Variants in CGRRF1 observed in about 807,000 individuals in gnomAD.
CGRRF1 encodes cell growth regulator with ring finger domain 1, also known as cell growth regulator with RING finger domain protein 1.
In CGRRF1, 32 loss-of-function variants were observed where a neutral mutation model predicts 37.2. That is an observed-to-expected ratio of 0.86 (90% CI 0.65 to 1.16). The LOEUF (loss-of-function observed/expected upper bound fraction) is 1.16. Ranked by LOEUF, CGRRF1 falls within the 50% of genes most tolerant of loss-of-function variation. The probability of loss-of-function intolerance (pLI) is 0.00; values close to 1 mark genes in which losing one functional copy is unlikely to be tolerated. For missense variants in CGRRF1, 391 were observed against 382.6 expected, an observed-to-expected ratio of 1.02 and a Z score of -0.18; for synonymous variants, 141 against 140.3, an observed-to-expected ratio of 1.00 and a Z score of -0.04.
chr14:54,537,971 C>T (rs890013905), intron 5 of CGRRF1, 92 bp from the exon 6 acceptor site: 2 of 1,466,642 alleles, frequency 1.4e-6, no homozygotes, highest in African/African-American at 2.9e-5. Flanking sequence ...AATTTGCTAG[C>T]TCATAAATTT....
At chr14:54,517,419 A>AT (rs1173434800) in intron 1 of CGRRF1, among the ~76,000 whole-genome samples, 2 of 152,248 alleles carry the variant, frequency 1.3e-5, no homozygotes, top group East Asian at 3.9e-4. Flanking sequence ...TCAAAAGTGA[A>AT]TTTTTATTTC....
intron 1 of CGRRF1, among the ~76,000 whole-genome samples, chr14:54,520,740 C>G (rs2140057970): frequency 6.6e-6 from 1 of 152,290 alleles, no homozygotes; most frequent in African/African-American, 2.4e-5. Flanking sequence ...TAAGTTGTTC[C>G]TTTTCACTGC....
At chr14:54,510,529 A>C (rs1164442823) in intron 1 of CGRRF1, among the ~76,000 whole-genome samples, 18 of 152,234 alleles carry the variant, frequency 1.2e-4, no homozygotes, top group Admixed American at 1.2e-3. Flanking sequence ...TTAGCCTCAG[A>C]TCTTTCAGAG....
intron 2 of CGRRF1, among the ~76,000 whole-genome samples, chr14:54,522,932 A>G (rs1179556931): frequency 6.6e-6 from 1 of 152,210 alleles, no homozygotes; most frequent in Non-Finnish European, 1.5e-5. Context: ...GTCTAAATAC[A>G]GTTAACGTAA....
At chr14:54,516,479 A>G (rs61987165) in intron 1 of CGRRF1, among the ~76,000 whole-genome samples, 9,152 of 152,092 alleles carry the variant, frequency 0.06, 504 homozygotes, top group East Asian at 0.3. Context: ...ATTGCTTCTT[A>G]TTAATATTAA....
intron 1 of CGRRF1, among the ~76,000 whole-genome samples, chr14:54,519,961 C>G (rs1261931356): frequency 6.6e-6 from 1 of 152,200 alleles, no homozygotes; most frequent in Non-Finnish European, 1.5e-5. Flanking sequence ...ATTGGTCTAT[C>G]TTATTTCACG....
intron 2 of CGRRF1, among the ~76,000 whole-genome samples, chr14:54,528,879 C>G (rs1457069579): frequency 2.0e-5 from 3 of 152,180 alleles, no homozygotes; most frequent in Non-Finnish European, 4.4e-5. Context: ...TGTGTACATA[C>G]TACTAAATAC....
chr14:54,526,265 T>A (rs2140061488), intron 2 of CGRRF1, among the ~76,000 whole-genome samples: 1 of 148,640 alleles, frequency 6.7e-6, no homozygotes, highest in East Asian at 2.1e-4. Flanking sequence ...TTCTCCTCCC[T>A]TAGCCTCCTG....
rs117986924 is a variant in CGRRF1 at position 54,520,595 on chromosome 14, T to C, written c.105-1859T>C. On this transcript the variant is annotated intron_variant, in intron 1 of 5. Transcript: ENST00000216420. ...TTCCGGAAGCAACCATTGTTCTCAT[T>C]TTTATTTCTACCATAAATTTGTTGT... 7.2e-4 allele frequency among the ~76,000 whole-genome samples: 109 copies of C among 152,358 alleles called. No individual in the cohort carries two copies. The East Asian group carries it at 0.019, about 26-fold the overall frequency.
At chr14:54,529,875 CT>C (rs1566511497) in intron 2 of CGRRF1, among the ~76,000 whole-genome samples, 173 bp from the exon 3 acceptor site, 1 of 152,128 alleles carries the variant, frequency 6.6e-6, no homozygotes, top group Non-Finnish European at 1.5e-5. Flanking sequence ...GCTTTTATAT[CT>C]CTTGTTACAG....
In CGRRF1 at chr14:54,514,199, A is replaced by G. The variant is rs2032179662; in HGVS notation, c.104+4136A>G. 2.6e-5 allele frequency among the ~76,000 whole-genome samples: 4 copies of G among 152,310 alleles called. No individual in the cohort carries two copies. The South Asian group carries it at 8.3e-4, about 32-fold the overall frequency. On this transcript the variant is annotated intron_variant, in intron 1 of 5. Coordinates refer to ENST00000216420, the MANE Select transcript of CGRRF1 (RefSeq NM_006568.3). ...TAGGGACAAAATCTGATCTGACTAG[A>G]AATAGTCTGTCCTTGAAAAGAATTG...
At chr14:54,520,035 A>G (rs577321553) in intron 1 of CGRRF1, among the ~76,000 whole-genome samples, 1 of 152,352 alleles carries the variant, frequency 6.6e-6, no homozygotes, top group South Asian at 2.1e-4. Flanking sequence ...ATTACTGATT[A>G]GAGTTCAGTG....
chr14:54,516,600 T>C (rs1206602743), intron 1 of CGRRF1, among the ~76,000 whole-genome samples: 1 of 152,168 alleles, frequency 6.6e-6, no homozygotes, highest in Non-Finnish European at 1.5e-5. Flanking sequence ...TTTCTCTATA[T>C]TACTGGTTTT....
At chr14:54,533,253 T>C (rs1256021947) in intron 4 of CGRRF1, among the ~76,000 whole-genome samples, 1 of 152,160 alleles carries the variant, frequency 6.6e-6, no homozygotes, top group African/African-American at 2.4e-5. Context: ...AAGAGTTTGC[T>C]CTCAGGTCCC....
intron 1 of CGRRF1, among the ~76,000 whole-genome samples, chr14:54,520,253 C>T (rs1285029357): frequency 1.3e-5 from 2 of 152,028 alleles, no homozygotes; most frequent in Non-Finnish European, 2.9e-5. Flanking sequence ...GGACTGCAGG[C>T]GCCCACCACC....
chr14:54,517,749 T>G (rs1329557371), intron 1 of CGRRF1, among the ~76,000 whole-genome samples: 2 of 152,168 alleles, frequency 1.3e-5, no homozygotes, highest in African/African-American at 4.8e-5. Flanking sequence ...CAGCATCCAT[T>G]AGCTATTCTT....
chr14:54,523,659 G>A (rs918268620), intron 2 of CGRRF1, among the ~76,000 whole-genome samples: 1 of 152,056 alleles, frequency 6.6e-6, no homozygotes, highest in Non-Finnish European at 1.5e-5. Flanking sequence ...ACAGGTAACA[G>A]AGGAGTCTAA....
chr14:54,527,971 G>C (rs1034437090), intron 2 of CGRRF1, among the ~76,000 whole-genome samples: 1 of 151,944 alleles, frequency 6.6e-6, no homozygotes, highest in Non-Finnish European at 1.5e-5. Context: ...CAAACTCCTG[G>C]CTCAAGTGAT....
intron 1 of CGRRF1, among the ~76,000 whole-genome samples, chr14:54,521,409 C>T (rs2032314108): frequency 1.3e-5 from 2 of 150,780 alleles, no homozygotes; most frequent in Non-Finnish European, 3.0e-5. Context: ...TATAGTGAGC[C>T]AAGATCACGC....
Sources: allele counts gnomAD v4.1 joint callset (sites outside exome capture counted in the v4.1 genomes callset), GRCh38; gene constraint gnomAD v4.1.1; transcripts MANE v1.5; gene names NCBI Gene and HGNC (gene_info 2026-07-23, HGNC 2026-07-21).